PTPDC1: variants seen among roughly 807,000 people sequenced by gnomAD.
The protein encoded by PTPDC1 is protein tyrosine phosphatase domain containing 1.
Under a neutral mutation model 75.3 loss-of-function variants are expected in PTPDC1, and 53 were observed. The observed-to-expected ratio is 0.70, with a 90% CI of 0.56 to 0.88. The LOEUF is 0.88. Among genes scored for constraint, PTPDC1 ranks in the 40% least tolerant of loss-of-function variants. The probability of loss-of-function intolerance (pLI) is 0.00; values close to 1 mark genes in which losing one functional copy is unlikely to be tolerated. For synonymous variants in PTPDC1, 349 were observed against 366.2 expected (o/e 0.95, Z 0.54); for missense variants, 925 against 998.6 (o/e 0.93, Z 0.99).
intron 1 of PTPDC1, among the ~76,000 whole-genome samples, chr9:94,062,697 G>T (rs1826179770): frequency 6.6e-6 from 1 of 152,112 alleles, no homozygotes; most frequent in African/African-American, 2.4e-5. Flanking sequence ...TCAAGGAGAT[G>T]ATGCAAAACC....
chr9:94,034,938 G>A (rs896798804), intron 1 of PTPDC1, among the ~76,000 whole-genome samples: 3 of 151,942 alleles, frequency 2.0e-5, no homozygotes, highest in African/African-American at 7.3e-5. Flanking sequence ...ATCACCTCAC[G>A]TACTTATTTT....
intron 4 of PTPDC1, among the ~76,000 whole-genome samples, chr9:94,088,751 A>C (rs1398396892): frequency 6.6e-6 from 1 of 152,162 alleles, no homozygotes; most frequent in Non-Finnish European, 1.5e-5. Flanking sequence ...AAGCCGCCTC[A>C]ATCACAGGAG....
At chr9:94,103,785 A>G (rs1827925385) in intron 7 of PTPDC1, among the ~76,000 whole-genome samples, 1 of 152,164 alleles carries the variant, frequency 6.6e-6, no homozygotes, top group Non-Finnish European at 1.5e-5. Context: ...GCACTTAAGC[A>G]CTGCATTGCT....
intron 2 of PTPDC1, among the ~76,000 whole-genome samples, chr9:94,087,162 T>A (rs894173968): frequency 2.0e-5 from 3 of 152,232 alleles, no homozygotes; most frequent in African/African-American, 7.2e-5. Flanking sequence ...TTCTCCATCA[T>A]GTCCACTAAA....
intron 2 of PTPDC1, among the ~76,000 whole-genome samples, chr9:94,072,675 A>G (rs923197310): frequency 1.3e-5 from 2 of 152,094 alleles, no homozygotes; most frequent in Non-Finnish European, 2.9e-5. Context: ...GTTTTCCATA[A>G]CAAGTTGAAT....
chr9:94,041,712 C>T (rs1825431396), intron 1 of PTPDC1, among the ~76,000 whole-genome samples: 1 of 152,178 alleles, frequency 6.6e-6, no homozygotes, highest in African/African-American at 2.4e-5. Flanking sequence ...ACATTCTCAT[C>T]AGTCTCTGTG....
At chr9:94,044,145 C>T (rs1661350737) in intron 1 of PTPDC1, among the ~76,000 whole-genome samples, 1 of 152,086 alleles carries the variant, frequency 6.6e-6, no homozygotes, top group South Asian at 2.1e-4. Flanking sequence ...AGCACCTTTC[C>T]CTTTTCATAT....
rs1827036084 is a variant in PTPDC1 at position 94,085,380 on chromosome 9, G to A, written c.374G>A (p.Trp125Ter). The A allele has an allele frequency of 6.2e-7, 1 of 1,614,100 alleles. No individual in the cohort carries two copies. Residue 125 changes from tryptophan (W) to a stop codon, truncating the protein, a stop_gained, in exon 2 of 9, where the codon TGG (tryptophan) becomes TAG (stop). Coordinates refer to ENST00000620992, the MANE Select transcript of PTPDC1 (RefSeq NM_001253829.2). LOFTEE classifies it high-confidence loss of function. ...TGCAAGTATGAGAACCCAGCCCGCT[G>A]GAGTGAGCAGGAGCAAGCCATTAAG... ...RACKYENPAR[W>*]SEQEQAIKGV... is the part of the protein sequence containing the mutation.
At chr9:94,069,527 T>TC (rs1309910291) in intron 2 of PTPDC1, among the ~76,000 whole-genome samples, 1 of 151,534 alleles carries the variant, frequency 6.6e-6, no homozygotes, top group Non-Finnish European at 1.5e-5. Context: ...CAATTCTTTT[T>TC]TTTTTTTTTT....
chr9:94,088,346 G>T (rs988773266), intron 4 of PTPDC1, 83 bp downstream of exon 4: 4 of 1,478,738 alleles, frequency 2.7e-6, no homozygotes, highest in African/African-American at 1.4e-5. Flanking sequence ...AGATTAAAAA[G>T]ATGATGGAAA....
rs776409673 is a variant in PTPDC1 at position 94,097,628 on chromosome 9, G to A, written c.1062G>A (p.Ala354=). The A allele has an allele frequency of 6.2e-6, 10 of 1,614,022 alleles. No individual in the cohort carries two copies. In the South Asian group the frequency reaches 7.7e-5, roughly 12 times the overall value. ...HLVCKLLLDL[A]ENRPVMMKDV... ...TTTGCAAATTGCTGCTGGACTTAGC[G>A]GAGAACAGGCCAGTGATGATGAAGG... The change falls in exon 6 of 9, where the codon GCG becomes GCA. Residue 354 remains alanine (A), a synonymous_variant. Transcript: ENST00000620992.
chr9:94,035,057 A>G (rs1212900684), intron 1 of PTPDC1, among the ~76,000 whole-genome samples: 1 of 151,960 alleles, frequency 6.6e-6, no homozygotes, highest in Non-Finnish European at 1.5e-5. Flanking sequence ...TTATAATTCA[A>G]CTCTTAGGTG....
intron 1 of PTPDC1, among the ~76,000 whole-genome samples, chr9:94,045,195 A>G (rs1825556883): frequency 6.6e-6 from 1 of 152,020 alleles, no homozygotes; most frequent in Non-Finnish European, 1.5e-5. Context: ...ATGGCTGCAT[A>G]GTATTCCATG....
Position 94,097,715 on chromosome 9 carries a change from C to T in PTPDC1, c.1149C>T (p.Thr383=), listed in dbSNP as rs1398241823. Residue 383 remains threonine (T), a synonymous_variant, in exon 6 of 9, where the codon ACC becomes ACT. Coordinates refer to ENST00000620992, the MANE Select transcript of PTPDC1 (RefSeq NM_001253829.2). Reference sequence around the variant, plus strand: ...AAAAGACAATGTCTGAGATGGTCACCATGCAGCTGGATAAAGAGTTACTGA... The same window carrying T: ...AAAAGACAATGTCTGAGATGGTCACTATGCAGCTGGATAAAGAGTTACTGA... ...EIEKTMSEMV[T]MQLDKELLRH... is the part of the protein sequence containing the mutation. The T allele has an allele frequency of 1.2e-6, 2 of 1,614,172 alleles. No individual in the cohort carries two copies. Among genetic ancestry groups the T allele is most frequent in the Non-Finnish European group, 1.7e-6 (2 of 1,180,016 alleles).
At chr9:94,036,087 A>G (rs1435718653) in intron 1 of PTPDC1, among the ~76,000 whole-genome samples, 1 of 146,552 alleles carries the variant, frequency 6.8e-6, no homozygotes, top group Non-Finnish European at 1.5e-5. Context: ...TTGGATATTA[A>G]TCCCTTATCA....
At chr9:94,084,018 G>T (rs2117965389), upstream of PTPDC1, among the ~76,000 whole-genome samples, 1 of 152,286 alleles carries the variant, frequency 6.6e-6, no homozygotes, top group African/African-American at 2.4e-5. Flanking sequence ...ATCTTGTAAG[G>T]TGTCCAGCAT....
At chr9:94,102,161 AT>A (rs1827863799) in intron 7 of PTPDC1, among the ~76,000 whole-genome samples, 7 of 152,194 alleles carry the variant, frequency 4.6e-5, no homozygotes, top group Non-Finnish European at 1.0e-4. Context: ...AGACTGTGCC[AT>A]AATTAAGCAC....
intron 3 of PTPDC1, 89 bp downstream of exon 3, chr9:94,088,000 T>C: frequency 6.8e-7 from 1 of 1,462,090 alleles, no homozygotes. Context: ...AGTGCTTTCA[T>C]TTTAACAATA....
At chr9:94,094,352 A>C (rs978103439) in intron 4 of PTPDC1, among the ~76,000 whole-genome samples, 2 of 86,592 alleles carry the variant, frequency 2.3e-5, no homozygotes, top group East Asian at 3.3e-4. Context: ...GTGAGGTGTC[A>C]GTGTGCCCCT....
Sources: gnomAD v4.1 joint callset for allele counts (sites outside exome capture counted in the v4.1 genomes callset) on GRCh38, gnomAD v4.1.1 for gene constraint, MANE v1.5 for transcripts, NCBI Gene and HGNC (gene_info 2026-07-23, HGNC 2026-07-21) for gene names.